The following ANKS1B variants were observed in gnomAD, a reference collection of about 807,000 sequenced individuals.
ANKS1B encodes the protein ankyrin repeat and sterile alpha motif domain-containing protein 1B.
Under a neutral mutation model 148.3 loss-of-function variants are expected in ANKS1B, and 36 were observed. That is an observed-to-expected ratio of 0.24 (90% confidence interval 0.19 to 0.32). ANKS1B has a LOEUF of 0.32. Ranked by LOEUF, ANKS1B falls within the 10% of genes least tolerant of loss-of-function variation. The probability of loss-of-function intolerance (pLI) is 1.00; values close to 1 mark genes in which losing one functional copy is unlikely to be tolerated. For missense variants in ANKS1B, 1,157 were observed against 1,542.6 expected (o/e 0.75, Z 4.19); for synonymous variants, 542 against 560.8 (o/e 0.97, Z 0.47).
At chr12:99,725,684 C>A (rs549928097) in intron 8 of ANKS1B, among the ~76,000 whole-genome samples, 6 of 152,268 alleles carry the variant, frequency 3.9e-5, no homozygotes, top group African/African-American at 1.4e-4. Flanking sequence ...CCCTCCACAC[C>A]AAATCAACAG....
chr12:99,671,858 T>A (rs1196888072), intron 8 of ANKS1B, among the ~76,000 whole-genome samples: 7 of 152,064 alleles, frequency 4.6e-5, no homozygotes, highest in Non-Finnish European at 1.5e-5. Context: ...TTCAGTAAAT[T>A]TTTTTTGGTT....
At chr12:99,469,605 A>G (rs2096203497) in intron 10 of ANKS1B, among the ~76,000 whole-genome samples, 1 of 152,168 alleles carries the variant, frequency 6.6e-6, no homozygotes, top group African/African-American at 2.4e-5. Context: ...CAGTCAGAGT[A>G]TTACGGACAA....
At chr12:99,711,780 C>G (rs1424572268) in intron 8 of ANKS1B, among the ~76,000 whole-genome samples, 1 of 152,182 alleles carries the variant, frequency 6.6e-6, no homozygotes, top group Non-Finnish European at 1.5e-5. Context: ...TTGTGGAAGA[C>G]AGTGTGGAAA....
chr12:99,784,031 T>G (rs978299088), intron 4 of ANKS1B, among the ~76,000 whole-genome samples: 10 of 152,022 alleles, frequency 6.6e-5, no homozygotes, highest in Admixed American at 5.2e-4. Flanking sequence ...AAAATAAATT[T>G]AAAAGCCAAA....
At chr12:99,708,113 C>T (rs1023643461) in intron 8 of ANKS1B, among the ~76,000 whole-genome samples, 3 of 152,116 alleles carry the variant, frequency 2.0e-5, no homozygotes, top group African/African-American at 7.2e-5. Context: ...TAATGCAAGC[C>T]AAATTCAACT....
intron 1 of ANKS1B, among the ~76,000 whole-genome samples, chr12:99,826,635 A>G (rs1307323914): frequency 6.6e-6 from 1 of 152,206 alleles, no homozygotes; most frequent in East Asian, 1.9e-4. Context: ...GATGGAGAGA[A>G]AACAATGACT....
At chr12:99,898,871 T>C (rs1471822639) in intron 1 of ANKS1B, among the ~76,000 whole-genome samples, 2 of 152,176 alleles carry the variant, frequency 1.3e-5, no homozygotes, top group Non-Finnish European at 2.9e-5. Flanking sequence ...AACAACAACA[T>C]TTCACATTTA....
chr12:99,420,577 C>CTGAG (rs139187822), intron 11 of ANKS1B, among the ~76,000 whole-genome samples: 31,072 of 151,916 alleles, frequency 0.2, 3,828 homozygotes, highest in African/African-American at 0.35. Context: ...TCCTTTTCTG[C>CTGAG]TATTTTTCTA....
Position 99,504,660 on chromosome 12 carries a change from A to G in ANKS1B, c.1273-19T>C, listed in dbSNP as rs1291405840. 1 of 1,508,250 alleles carries G rather than the reference A, an allele frequency of 6.6e-7. No homozygotes were observed. The allele number at this position is 1,508,250 out of a possible 1,614,324, so 93.4% of individuals were successfully genotyped here. On this transcript the variant is annotated intron_variant, in intron 9 of 26. Transcript: ENST00000683438. ...AGGACTCCTGAAAAGAAGAAAAAAT[A>G]AAAACAGCTTTGTGATGAAGAAACA...
intron 12 of ANKS1B, among the ~76,000 whole-genome samples, chr12:99,326,276 T>C (rs2086283775): frequency 1.3e-5 from 2 of 152,100 alleles, no homozygotes; most frequent in Admixed American, 6.6e-5. Context: ...TTTTCCTTGT[T>C]GACTTTCTGG....
intron 10 of ANKS1B, among the ~76,000 whole-genome samples, chr12:99,496,486 A>G (rs1270794337): frequency 6.6e-6 from 1 of 152,210 alleles, no homozygotes; most frequent in East Asian, 1.9e-4. Flanking sequence ...GGTCGCATAA[A>G]CATGAGTCTT....
At chr12:98,876,220 T>G (rs1480640790) in intron 17 of ANKS1B, among the ~76,000 whole-genome samples, 1 of 152,190 alleles carries the variant, frequency 6.6e-6, no homozygotes, top group Non-Finnish European at 1.5e-5. Context: ...TTACCACTGG[T>G]TGCCACAGGC....
intron 15 of ANKS1B, among the ~76,000 whole-genome samples, chr12:99,095,970 G>C (rs1278554502): frequency 6.6e-6 from 1 of 152,182 alleles, no homozygotes; most frequent in African/African-American, 2.4e-5. Context: ...GGGACTAACA[G>C]GTTCTAAATC....
chr12:99,938,889 G>C (rs950244722), intron 1 of ANKS1B, among the ~76,000 whole-genome samples: 1 of 152,124 alleles, frequency 6.6e-6, no homozygotes, highest in Non-Finnish European at 1.5e-5. Flanking sequence ...AGGATCAAGC[G>C]GCCCCGCAGA....
chr12:99,810,978 G>T (rs1469804271), intron 3 of ANKS1B, among the ~76,000 whole-genome samples: 1 of 151,770 alleles, frequency 6.6e-6, no homozygotes, highest in African/African-American at 2.4e-5. Flanking sequence ...ATGATATGAT[G>T]ATAAAGATAG....
At chr12:98,806,911 T>C (rs1190132126) in intron 20 of ANKS1B, among the ~76,000 whole-genome samples, 1 of 152,152 alleles carries the variant, frequency 6.6e-6, no homozygotes, top group African/African-American at 2.4e-5. Context: ...ACCATGGTCC[T>C]CAAGAGCCAG....
chr12:99,853,479 G>A (rs2088366322), intron 1 of ANKS1B, among the ~76,000 whole-genome samples: 1 of 152,122 alleles, frequency 6.6e-6, no homozygotes, highest in African/African-American at 2.4e-5. Flanking sequence ...ATTCAGAAGA[G>A]AAATAACCCT....
intron 1 of ANKS1B, among the ~76,000 whole-genome samples, chr12:99,955,094 C>A (rs1034749328): frequency 6.6e-6 from 1 of 152,110 alleles, no homozygotes; most frequent in Non-Finnish European, 1.5e-5. Flanking sequence ...GATGCAGTTG[C>A]CCCTGTGAAG....
At chr12:99,494,594 G>A (rs1011832802) in intron 10 of ANKS1B, among the ~76,000 whole-genome samples, 3 of 151,748 alleles carry the variant, frequency 2.0e-5, no homozygotes, top group Non-Finnish European at 4.4e-5. Context: ...TTAGCCGGGC[G>A]TGGTGGCGGG....
Sources: gnomAD v4.1 joint callset for allele counts (sites outside exome capture counted in the v4.1 genomes callset) on GRCh38, gnomAD v4.1.1 for gene constraint, MANE v1.5 for transcripts, NCBI Gene and HGNC (gene_info 2026-07-23, HGNC 2026-07-21) for gene names.